Variants in TENM2 observed in about 807,000 individuals in gnomAD.
The protein encoded by TENM2 is teneurin transmembrane protein 2.
TENM2 carries 52 observed loss-of-function variants against 245.2 expected under a neutral mutation model. That is an observed-to-expected ratio of 0.21 (90% CI 0.17 to 0.27). TENM2 has a LOEUF of 0.27. Ranked by LOEUF, TENM2 falls within the 10% of genes least tolerant of loss-of-function variation. The pLI, the probability that TENM2 is intolerant of heterozygous loss-of-function variation, is 1.00. For synonymous variants in TENM2, 1,363 were observed against 1,438.9 expected (o/e 0.95, Z 1.19); for missense variants, 3,046 against 3,666.8 (o/e 0.83, Z 4.37).
chr5:167,681,248 TTTC>T (rs752341221), intron 2 of TENM2, among the ~76,000 whole-genome samples: 33 of 152,312 alleles, frequency 2.2e-4, no homozygotes, highest in Non-Finnish European at 3.5e-4. Flanking sequence ...TTTTTCTTCT[TTTC>T]TTCTTTTTTA....
chr5:167,742,306 C>G (rs1459129225), intron 2 of TENM2, among the ~76,000 whole-genome samples: 1 of 151,252 alleles, frequency 6.6e-6, no homozygotes, highest in African/African-American at 2.4e-5. Context: ...AGTGCTTACC[C>G]CAGAATTTAA....
intron 2 of TENM2, among the ~76,000 whole-genome samples, chr5:167,458,268 C>A (rs1404113116): frequency 6.9e-6 from 1 of 145,356 alleles, no homozygotes; most frequent in Non-Finnish European, 1.6e-5. Flanking sequence ...AGGTGGATCA[C>A]CTGAGATCAG....
chr5:168,244,932 G>A lies in TENM2; in HGVS notation c.5817+216G>A, dbSNP rs1766414813. Among the ~76,000 whole-genome samples, 2 of 152,096 alleles carry A rather than the reference G, an allele frequency of 1.3e-5. No individual in the cohort carries two copies. Among genetic ancestry groups the A allele is most frequent in the South Asian group, 4.2e-4 (2 of 4,800 alleles). On this transcript the variant is annotated intron_variant, in intron 26 of 28. Transcript: ENST00000518659. This position sits in a 1 kb window ranked among gnomAD's most constrained non-coding sequence, Gnocchi z 4.9. ...CTACAGGCACATGTCACCACGCCCG[G>A]CTAATTTTGTATTTTTAGTAGAGAT...
chr5:167,097,711 C>A, the TENM2 span, among the ~76,000 whole-genome samples: 2 of 152,168 alleles, frequency 1.3e-5, no homozygotes, highest in African/African-American at 2.4e-5. Context: ...AAATTTATTT[C>A]TTTAATGCAA....
chr5:167,051,435 A>AG, the TENM2 span, among the ~76,000 whole-genome samples: 1 of 151,122 alleles, frequency 6.6e-6, no homozygotes, highest in African/African-American at 2.4e-5. Context: ...AATTGGGAGA[A>AG]AAAAAAAAGC....
rs982550937 is a variant in TENM2, at chr5:167,677,674, G to T, written c.503-198312G>T. ...ATCAAGTGGTTTTGGCGACCATTTA[G>T]TTCCAAAATATGGTTTATATATTTT... On this transcript the variant is annotated intron_variant, in intron 2 of 28. Coordinates refer to ENST00000518659, the Ensembl canonical transcript of TENM2. 1.7e-4 allele frequency among the ~76,000 whole-genome samples: 26 copies of T among 150,202 alleles called. 1 individual carries two copies. The highest frequency in any genetic ancestry group is 6.3e-4 in the South Asian group (3 of 4,792).
intron 1 of TENM2, among the ~76,000 whole-genome samples, chr5:167,371,348 T>TTTTC (rs3067281): frequency 7.4e-6 from 1 of 134,234 alleles, no homozygotes; most frequent in Non-Finnish European, 1.6e-5. Context: ...TTTTTTTTTT[T>TTTTC]CTTTCTTTTC....
At chr5:167,070,778 AC>A in the TENM2 span, among the ~76,000 whole-genome samples, 1 of 152,092 alleles carries the variant, frequency 6.6e-6, no homozygotes, top group Admixed American at 6.5e-5. Flanking sequence ...CTTACACTGT[AC>A]CCAGTGTACT....
chr5:168,262,561 G>A (rs757815981), exon 29 of TENM2: 5 of 1,561,352 alleles, frequency 3.2e-6, no homozygotes, highest in Non-Finnish European at 3.5e-6. Flanking sequence ...ACGAAGAGAA[G>A]GCCCGCGTCC....
At chr5:167,022,082 G>C in the TENM2 span, among the ~76,000 whole-genome samples, 1 of 152,102 alleles carries the variant, frequency 6.6e-6, no homozygotes, top group African/African-American at 2.4e-5. Context: ...CCATATTCAA[G>C]GGTCTTCATA....
intron 1 of TENM2, among the ~76,000 whole-genome samples, chr5:167,371,081 A>G (rs186508546): frequency 3.3e-5 from 5 of 152,356 alleles, no homozygotes; most frequent in South Asian, 2.1e-4. Context: ...GATAAAATAC[A>G]TGGAAAACAA....
intron 2 of TENM2, among the ~76,000 whole-genome samples, chr5:167,608,243 A>G (rs1034211225): frequency 2.6e-5 from 4 of 152,104 alleles, no homozygotes; most frequent in Admixed American, 6.6e-5. Flanking sequence ...TAGCTTTCAT[A>G]TTTCTTATTC....
intron 12 of TENM2, among the ~76,000 whole-genome samples, chr5:168,141,834 G>C (rs1323853952): frequency 6.6e-6 from 1 of 152,182 alleles, no homozygotes; most frequent in Non-Finnish European, 1.5e-5. Flanking sequence ...AGGCTTCTCT[G>C]TATCTTCATT....
Position 167,890,599 on chromosome 5 carries a change from A to T in TENM2, c.712+14404A>T, listed in dbSNP as rs533841361. Among the ~76,000 whole-genome samples the T allele has an allele frequency of 2.4e-4, 37 of 152,284 alleles. 3 individuals are homozygous for T. The South Asian group carries it at 7.1e-3, about 29-fold the overall frequency. ...AACATTCATAATTCTATCCTTCCTG[A>T]AATAATAACATGCCTAGTAATACCT... On this transcript the variant is annotated intron_variant, in intron 3 of 28. Transcript: ENST00000518659.
intron 2 of TENM2, among the ~76,000 whole-genome samples, chr5:167,433,775 C>T (rs756703015): frequency 4.6e-5 from 7 of 151,950 alleles, no homozygotes; most frequent in Non-Finnish European, 8.8e-5. Flanking sequence ...CTCTAAGAAA[C>T]ATTTTCGTGT....
At chr5:167,422,070 G>A (rs1237374591) in intron 2 of TENM2, among the ~76,000 whole-genome samples, 5 of 152,122 alleles carry the variant, frequency 3.3e-5, no homozygotes, top group Non-Finnish European at 7.4e-5. Flanking sequence ...GATTACAGGC[G>A]TGAGCCACCA....
At chr5:167,263,866 G>C in the TENM2 span, among the ~76,000 whole-genome samples, 1 of 152,098 alleles carries the variant, frequency 6.6e-6, no homozygotes, top group Non-Finnish European at 1.5e-5. Context: ...GGCTTTGGGA[G>C]GCTGAGGTGG....
the TENM2 span, among the ~76,000 whole-genome samples, chr5:167,102,741 C>A: frequency 6.6e-6 from 1 of 152,242 alleles, no homozygotes; most frequent in Non-Finnish European, 1.5e-5. Flanking sequence ...TCAGTGCAAC[C>A]TCCGCCTCCC....
At chr5:167,960,817 G>A (rs1780954540) in intron 4 of TENM2, among the ~76,000 whole-genome samples, 1 of 152,170 alleles carries the variant, frequency 6.6e-6, no homozygotes, top group Non-Finnish European at 1.5e-5. Context: ...GAAACCCAGG[G>A]CCCTGGTGGT....
Sources: allele counts gnomAD v4.1 joint callset (sites outside exome capture counted in the v4.1 genomes callset), GRCh38; gene constraint gnomAD v4.1.1; non-coding constraint Gnocchi (gnomAD v3.1); transcripts MANE v1.5; gene names NCBI Gene and HGNC (gene_info 2026-07-23, HGNC 2026-07-21).